The following PATE2 variants were observed in gnomAD, a reference collection of about 807,000 sequenced individuals.
PATE2 encodes prostate and testis expressed 2, also known as prostate and testis expressed protein 2.
In PATE2, 7 loss-of-function variants were observed where a neutral mutation model predicts 10.5. The ratio of observed to expected loss-of-function variants is 0.66; its 90% CI spans 0.38 to 1.25. PATE2 has a LOEUF of 1.25. Ranked by LOEUF, PATE2 falls within the 50% of genes most tolerant of loss-of-function variation. The probability of loss-of-function intolerance (pLI) is 0.02; values close to 1 mark genes in which losing one functional copy is unlikely to be tolerated. For missense variants in PATE2, 133 were observed against 135.4 expected, an observed-to-expected ratio of 0.98 and a Z score of 0.09; for synonymous variants, 44 against 46.9, an observed-to-expected ratio of 0.94 and a Z score of 0.25.
chr11:125,777,743 CT>C, intron 3 of PATE2, 130 bp downstream of exon 3: 3 of 1,256,124 alleles, frequency 2.4e-6, no homozygotes, highest in Non-Finnish European at 3.3e-6. Context: ...AAAAGTCTGT[CT>C]TTGCCATCCC....
Position 125,777,154 on chromosome 11 carries a change from C to T in PATE2, c.*228G>A. 2.1e-6 allele frequency: 1 copy of T among 482,342 alleles called. No individual in the cohort carries two copies. The highest frequency in any genetic ancestry group is 3.7e-6 in the Non-Finnish European group (1 of 271,142). 29.9% of individuals were successfully genotyped at this position (482,342 alleles called of 1,614,324 possible). On this transcript the variant is annotated 3_prime_UTR_variant, in exon 4 of 4. Coordinates refer to ENST00000358524, the MANE Select transcript of PATE2 (RefSeq NM_212555.3). ...GTATCACGTAAGGAGAGCAAAACCC[C>T]TCCCACCTGTTAGCGACAGGGATGT... is the stretch of plus-strand genomic sequence containing the variant.
rs1943493845 is a variant in PATE2 at position 125,777,299 on chromosome 11, G to A, written c.*83C>T. 1.1e-5 allele frequency: 17 copies of A among 1,509,108 alleles called. No homozygotes were observed. In the South Asian group the frequency reaches 2.1e-4, roughly 18 times the overall value. The allele number at this position is 1,509,108 out of a possible 1,614,324, so 93.5% of individuals were successfully genotyped here. A position where few individuals can be genotyped will look rare whatever the true frequency, so the allele number is the denominator to read the frequency against. ...TCTCACTCTCTACCAATGCATAGAA[G>A]AGGAGAGCAAAATTCAGGTTCAGGG... On this transcript the variant is annotated 3_prime_UTR_variant, in exon 4 of 4. Transcript: ENST00000358524.
chr11:125,777,490 C>T lies in PATE2; in HGVS notation c.234G>A (p.Leu78=), dbSNP rs1591464132. The change falls in exon 4 of 4, where the codon CTG becomes CTA. Residue 78 remains leucine (L), a synonymous_variant. Transcript: ENST00000358524. The part of the protein sequence containing the change: ...KGQSMYHYSK[L]SCMTSCEDIN... ...TGTCCTCACAGCTGGTCATACACGA[C>T]AGTTTTGAATAATGATACATGCTCT... The T allele has an allele frequency of 6.2e-7, 1 of 1,613,680 alleles. No homozygotes were observed. Among genetic ancestry groups the T allele is most frequent in the East Asian group, 2.2e-5 (1 of 44,866 alleles).
chr11:125,776,834 T>C lies in PATE2; in HGVS notation c.*548A>G, dbSNP rs1185718927. 1 of 152,424 alleles carries C rather than the reference T, an allele frequency of 6.6e-6. No individual in the cohort carries two copies. Among genetic ancestry groups the C allele is most frequent in the Non-Finnish European group, 1.5e-5 (1 of 68,250 alleles). The allele number at this position is 152,424 out of a possible 1,614,324, so 9.4% of individuals were successfully genotyped here. On this transcript the variant is annotated 3_prime_UTR_variant, in exon 4 of 4. Transcript: ENST00000358524. ...TCATCCCTATGTCTGTTCAGTTTTT[T>C]TTTTTCTGCCCTGAGGTTCCCCCAA...
Position 125,777,030 on chromosome 11 carries a change from C to CATTAAA in PATE2, c.*351_*352insTTTAAT. Reference sequence around the variant, plus strand: ...TGTGTAGATGAGGATAGAGGATAGTCACAGAATTCTCAGTACAAATTGGAG... The same window carrying CATTAAA: ...TGTGTAGATGAGGATAGAGGATAGTCATTAAAACAGAATTCTCAGTACAAATTGGAG... On this transcript the variant is annotated 3_prime_UTR_variant, in exon 4 of 4. Coordinates refer to ENST00000358524, the MANE Select transcript of PATE2 (RefSeq NM_212555.3). 2 of 178,172 alleles carry CATTAAA rather than the reference C, an allele frequency of 1.1e-5. No homozygotes were observed. The highest frequency in any genetic ancestry group is 1.5e-4 in the South Asian group (1 of 6,576). 11.0% of individuals were successfully genotyped at this position (178,172 alleles called of 1,614,324 possible).
chr11:125,778,604 T>C, intron 1 of PATE2, 29 bp from the exon 2 acceptor site: 1 of 1,612,904 alleles, frequency 6.2e-7, no homozygotes, highest in Non-Finnish European at 8.5e-7. Context: ...CCTTCCATGT[T>C]ACAGTCTCAC....
At position 125,776,540 on chromosome 11, in the gene PATE2, T is replaced by C. The variant is rs1943485309; in HGVS notation, c.*842A>G. The C allele has an allele frequency of 6.6e-6, 1 of 152,200 alleles. No homozygotes were observed. Among genetic ancestry groups the C allele is most frequent in the Non-Finnish European group, 1.5e-5 (1 of 68,048 alleles). 9.4% of individuals were successfully genotyped at this position (152,200 alleles called of 1,614,324 possible). A position where few individuals can be genotyped will look rare whatever the true frequency, so the allele number is the denominator to read the frequency against. On this transcript the variant is annotated 3_prime_UTR_variant, in exon 4 of 4. Transcript: ENST00000358524. The stretch of plus-strand genomic sequence containing the variant: ...ACTCTGTTACTTGAACACTACCTCA[T>C]GGTATCTATTTACATCCTATTATCT...
At position 125,776,570 on chromosome 11, in the gene PATE2, C is replaced by T. The variant is rs1352339025; in HGVS notation, c.*812G>A. On this transcript the variant is annotated 3_prime_UTR_variant, in exon 4 of 4. Transcript: ENST00000358524. ...TCTATTTACATCCTATTATCTTCAA[C>T]TACTACACCACCTGCCACATTATCA... The T allele has an allele frequency of 6.6e-6, 1 of 152,206 alleles. No homozygotes were observed. The highest frequency in any genetic ancestry group is 1.5e-5 in the Non-Finnish European group (1 of 68,064). The allele number at this position is 152,206 out of a possible 1,614,324, so 9.4% of individuals were successfully genotyped here.
rs1943485336 is a variant in PATE2, at chr11:125,776,541, G to A, written c.*841C>T. 6.6e-6 allele frequency: 1 copy of A among 152,032 alleles called. No homozygotes were observed. The highest frequency in any genetic ancestry group is 2.1e-4 in the South Asian group (1 of 4,822). The allele number at this position is 152,032 out of a possible 1,614,324, so 9.4% of individuals were successfully genotyped here. On this transcript the variant is annotated 3_prime_UTR_variant, in exon 4 of 4. Transcript: ENST00000358524. ...CTCTGTTACTTGAACACTACCTCAT[G>A]GTATCTATTTACATCCTATTATCTT... is the stretch of plus-strand genomic sequence containing the variant.
rs536719909 is a variant in PATE2 at position 125,776,589 on chromosome 11, A to G, written c.*793T>C. The G allele has an allele frequency of 6.3e-4, 96 of 152,270 alleles. 1 individual carries two copies. The highest frequency in any genetic ancestry group is 2.1e-3 in the African/African-American group (88 of 41,514). The allele number at this position is 152,270 out of a possible 1,614,324, so 9.4% of individuals were successfully genotyped here. A position where few individuals can be genotyped will look rare whatever the true frequency, so the allele number is the denominator to read the frequency against. ...CTTCAACTACTACACCACCTGCCAC[A>G]TTATCAGCATTTTGTTTGCTCAGTC... On this transcript the variant is annotated 3_prime_UTR_variant, in exon 4 of 4. Coordinates refer to ENST00000358524, the MANE Select transcript of PATE2 (RefSeq NM_212555.3).
chr11:125,777,966 TG>T lies in PATE2; in HGVS notation c.112del (p.His38IlefsTer9). The T allele has an allele frequency of 1.2e-6, 2 of 1,613,192 alleles. No homozygotes were observed. Among genetic ancestry groups the T allele is most frequent in the Non-Finnish European group, 1.7e-6 (2 of 1,179,386 alleles). On this transcript the variant is annotated frameshift_variant, in exon 3 of 4. Coordinates refer to ENST00000358524, the MANE Select transcript of PATE2 (RefSeq NM_212555.3). LOFTEE classifies it high-confidence loss of function. The stretch of plus-strand genomic sequence containing the variant: ...CATGACACCATAGCATAACCCAAGA[TG>T]ATATTTTTTACATTCATAACACATT... ...EIMCYECKKY[H>X]LGLCYGVMTS...
chr11:125,777,492 G>A lies in PATE2; in HGVS notation c.232C>T (p.Leu78=), dbSNP rs758543138. The A allele has an allele frequency of 5.0e-6, 8 of 1,613,720 alleles. No individual in the cohort carries two copies. Among genetic ancestry groups the A allele is most frequent in the Non-Finnish European group, 6.8e-6 (8 of 1,179,768 alleles). Residue 78 remains leucine, a synonymous_variant, in exon 4 of 4, where the codon CTG becomes TTG. Transcript: ENST00000358524. The part of the protein sequence containing the change: ...KGQSMYHYSK[L]SCMTSCEDIN... ...TCCTCACAGCTGGTCATACACGACA[G>A]TTTTGAATAATGATACATGCTCTGC... is the stretch of plus-strand genomic sequence containing the variant.
intron 3 of PATE2, 137 bp downstream of exon 3, chr11:125,777,737 G>A: frequency 1.6e-6 from 2 of 1,221,060 alleles, no homozygotes; most frequent in Non-Finnish European, 2.3e-6. Flanking sequence ...TTAGGGAAAA[G>A]TCTGTCTTTG....
chr11:125,777,605 C>A (rs901691736), intron 3 of PATE2, 87 bp from the exon 4 acceptor site: 5 of 1,523,306 alleles, frequency 3.3e-6, no homozygotes, highest in Non-Finnish European at 4.5e-6. Context: ...TTTGTGTCCT[C>A]ACTAACCTTT....
At position 125,777,021 on chromosome 11, in the gene PATE2, G is replaced by GCCGTACC; in HGVS notation, c.*360_*361insGGTACGG. On this transcript the variant is annotated 3_prime_UTR_variant, in exon 4 of 4. Coordinates refer to ENST00000358524, the MANE Select transcript of PATE2 (RefSeq NM_212555.3). ...AGGAGTGTGTGTGTAGATGAGGATA[G>GCCGTACC]AGGATAGTCACAGAATTCTCAGTAC... The GCCGTACC allele has an allele frequency of 5.0e-6, 1 of 198,776 alleles. No homozygotes were observed. The highest frequency in any genetic ancestry group is 1.0e-5 in the Non-Finnish European group (1 of 95,812). 12.3% of individuals were successfully genotyped at this position (198,776 alleles called of 1,614,324 possible). A position where few individuals can be genotyped will look rare whatever the true frequency, so the allele number is the denominator to read the frequency against.
Position 125,777,127 on chromosome 11 carries a change from C to T in PATE2, c.*255G>A, listed in dbSNP as rs549040605. 21 of 399,920 alleles carry T rather than the reference C, an allele frequency of 5.3e-5. No homozygotes were observed. The highest frequency in any genetic ancestry group is 4.0e-4 in the African/African-American group (20 of 50,408). The allele number at this position is 399,920 out of a possible 1,614,324, so 24.8% of individuals were successfully genotyped here. On this transcript the variant is annotated 3_prime_UTR_variant, in exon 4 of 4. Coordinates refer to ENST00000358524, the MANE Select transcript of PATE2 (RefSeq NM_212555.3). ...TGACCAAGTCTGAGCTTATTCATGG[C>T]AGTATCACGTAAGGAGAGCAAAACC...
chr11:125,777,467 T>A lies in PATE2; in HGVS notation c.257A>T (p.Asp86Val), dbSNP rs140825958. 1.2e-6 allele frequency: 2 copies of A among 1,613,748 alleles called. No homozygotes were observed. The highest frequency in any genetic ancestry group is 1.7e-6 in the Non-Finnish European group (2 of 1,179,810). ...CTTCGTGAACCCCAGGAAGTTGATG[T>A]CCTCACAGCTGGTCATACACGACAG... The part of the protein sequence containing the change: ...SKLSCMTSCE[D>V]INFLGFTKRV... Residue 86 changes from aspartate to valine, a missense_variant, in exon 4 of 4, where the codon GAC (aspartate) becomes GTC (valine). Coordinates refer to ENST00000358524, the MANE Select transcript of PATE2 (RefSeq NM_212555.3).
chr11:125,776,178 A>AT lies in PATE2; in HGVS notation c.*1203dup, dbSNP rs1232325870. The stretch of plus-strand genomic sequence containing the variant: ...CAATTTTTCTGGCCTTTATTTATTT[A>AT]TTTATTTTTTTATTTTACTTTAAGT... On this transcript the variant is annotated 3_prime_UTR_variant, in exon 4 of 4. Transcript: ENST00000358524. The AT allele has an allele frequency of 1.3e-5, 2 of 151,622 alleles. No homozygotes were observed. Among genetic ancestry groups the AT allele is most frequent in the African/African-American group, 4.9e-5 (2 of 41,218 alleles). 9.4% of individuals were successfully genotyped at this position (151,622 alleles called of 1,614,324 possible). A position where few individuals can be genotyped will look rare whatever the true frequency, so the allele number is the denominator to read the frequency against.
At chr11:125,778,455 G>T in intron 2 of PATE2, 97 bp downstream of exon 2, 1 of 1,307,138 alleles carries the variant, frequency 7.7e-7, no homozygotes, top group South Asian at 1.3e-5. Flanking sequence ...TAATAAGAAT[G>T]GATTACAGGC....
Sources: gnomAD v4.1 joint callset for allele counts on GRCh38, gnomAD v4.1.1 for gene constraint, MANE v1.5 for transcripts, NCBI Gene and HGNC (gene_info 2026-07-23, HGNC 2026-07-21) for gene names.